The following LAMA2 variants were observed in gnomAD, a reference collection of about 807,000 sequenced individuals.
LAMA2 encodes laminin subunit alpha 2.
In LAMA2, 269 loss-of-function variants were observed where a neutral mutation model predicts 364.8. The observed-to-expected ratio is 0.74, with a 90% CI of 0.67 to 0.82. The LOEUF is 0.82. LAMA2 is among the 40% of genes least tolerant of loss of function. LAMA2 has a pLI of 0.00. For missense variants in LAMA2, 3,807 were observed against 3,873.2 expected (o/e 0.98, Z 0.45); for synonymous variants, 1,379 against 1,370.6 (o/e 1.01, Z -0.14).
intron 12 of LAMA2, among the ~76,000 whole-genome samples, chr6:129,220,267 G>T (rs1418077409): frequency 6.6e-6 from 1 of 152,086 alleles, no homozygotes; most frequent in East Asian, 1.9e-4. Context: ...AAAACATATA[G>T]TGAAATAATA....
chr6:129,233,926 A>G (rs1025529112), intron 12 of LAMA2, among the ~76,000 whole-genome samples: 3 of 152,180 alleles, frequency 2.0e-5, no homozygotes, highest in African/African-American at 7.2e-5. Context: ...AAAGTTAAGA[A>G]GATATTTTTG....
intron 3 of LAMA2, among the ~76,000 whole-genome samples, chr6:129,069,396 A>T (rs1773155430): frequency 6.7e-6 from 1 of 148,268 alleles, no homozygotes; most frequent in Non-Finnish European, 1.5e-5. Context: ...TATATATATT[A>T]TATATAACTA....
At chr6:128,924,224 A>G (rs1306074745) in intron 1 of LAMA2, among the ~76,000 whole-genome samples, 1 of 152,090 alleles carries the variant, frequency 6.6e-6, no homozygotes, top group African/African-American at 2.4e-5. Context: ...ACACACACAC[A>G]TATGTATTTA....
At chr6:129,245,259 C>T (rs1176461677) in intron 12 of LAMA2, among the ~76,000 whole-genome samples, 2 of 152,096 alleles carry the variant, frequency 1.3e-5, no homozygotes, top group Non-Finnish European at 2.9e-5. Flanking sequence ...TAATTTTCAT[C>T]CCTAGTAAAT....
At position 128,883,250 on chromosome 6, in the gene LAMA2, C is replaced by G. The variant is rs1247617026; in HGVS notation, c.5C>G (p.Pro2Arg). 6 of 1,552,728 alleles carry G rather than the reference C, an allele frequency of 3.9e-6. No homozygotes were observed. The Admixed American group carries it at 5.8e-5, about 15-fold the overall frequency. The change falls in exon 1 of 65, where the codon CCG (proline) becomes CGG (arginine). Residue 2 changes from proline (P) to arginine (R), a missense_variant. Transcript: ENST00000421865. Reference protein sequence around the residue: MPGAAGVLLLLL... With the variant: MRGAAGVLLLLL... Reference sequence around the variant, plus strand: ...GATCCGGTCGCGGCCACTACGATGCCGGGAGCCGCCGGGGTCCTCCTCCTT... The same window carrying G: ...GATCCGGTCGCGGCCACTACGATGCGGGGAGCCGCCGGGGTCCTCCTCCTT...
intron 3 of LAMA2, among the ~76,000 whole-genome samples, chr6:129,083,694 A>G (rs550227741): frequency 2.6e-5 from 4 of 152,292 alleles, no homozygotes; most frequent in South Asian, 2.1e-4. Context: ...AAAAGTTTCA[A>G]AGTAGATGTA....
At chr6:128,962,185 T>TATATATACACACACACAC (rs1214826895) in intron 1 of LAMA2, among the ~76,000 whole-genome samples, 3 of 103,918 alleles carry the variant, frequency 2.9e-5, no homozygotes, top group African/African-American at 1.1e-4. Flanking sequence ...TATATATATA[T>TATATATACACACACACAC]ACACACATAC....
intron 32 of LAMA2, among the ~76,000 whole-genome samples, chr6:129,361,613 G>A (rs931024952): frequency 2.0e-5 from 3 of 152,092 alleles, no homozygotes; most frequent in Non-Finnish European, 4.4e-5. Context: ...GGATTGTTCT[G>A]AAGGCAGCAG....
chr6:128,969,857 G>A (rs1304799400), intron 1 of LAMA2, among the ~76,000 whole-genome samples: 1 of 152,196 alleles, frequency 6.6e-6, no homozygotes, highest in African/African-American at 2.4e-5. Flanking sequence ...GTATTTGTAT[G>A]CAAGTGGGCC....
chr6:129,395,467 A>C (rs1014725917), intron 37 of LAMA2, among the ~76,000 whole-genome samples: 4 of 152,178 alleles, frequency 2.6e-5, no homozygotes, highest in African/African-American at 9.7e-5. Flanking sequence ...AACTTGTCAA[A>C]AAGACAAATT....
chr6:129,010,144 A>C (rs1327151676), intron 1 of LAMA2, among the ~76,000 whole-genome samples: 1 of 152,234 alleles, frequency 6.6e-6, no homozygotes, highest in East Asian at 1.9e-4. Flanking sequence ...TAAAAGATTT[A>C]AAAATCTCTT....
At position 129,351,601 on chromosome 6, in the gene LAMA2, A is replaced by C. The variant is rs555598511; in HGVS notation, c.4524-1563A>C. ...TTGTTCCAGTGCTGAGAGCTTCTTA[A>C]ATCATTTAAATCATCTTTCGACCTG... is the stretch of plus-strand genomic sequence containing the variant. On this transcript the variant is annotated intron_variant, in intron 31 of 64. Coordinates refer to ENST00000421865, the MANE Select transcript of LAMA2 (RefSeq NM_000426.4). Among the ~76,000 whole-genome samples the C allele has an allele frequency of 2.6e-5, 4 of 152,256 alleles. No homozygotes were observed. In the South Asian group the frequency reaches 6.2e-4, roughly 24 times the overall value.
intron 1 of LAMA2, among the ~76,000 whole-genome samples, chr6:128,968,739 A>C (rs762699737): frequency 5.5e-4 from 83 of 152,144 alleles, no homozygotes; most frequent in Non-Finnish European, 6.8e-4. Context: ...AGCCAGGATA[A>C]GGGCAGCCAG....
At chr6:128,963,863 T>C (rs747801310) in intron 1 of LAMA2, among the ~76,000 whole-genome samples, 1 of 152,218 alleles carries the variant, frequency 6.6e-6, no homozygotes, top group East Asian at 1.9e-4. Flanking sequence ...CTGAATAGTC[T>C]AAATTATAGT....
At chr6:128,919,812 G>A (rs528487098) in intron 1 of LAMA2, among the ~76,000 whole-genome samples, 4 of 152,212 alleles carry the variant, frequency 2.6e-5, no homozygotes, top group South Asian at 2.1e-4. Flanking sequence ...TCATGTAGCC[G>A]TACATCCCAG....
Position 128,976,332 on chromosome 6 carries a change from T to C in LAMA2, c.113-73586T>C, listed in dbSNP as rs568552692. Reference sequence around the variant, plus strand: ...TTTTCCAGTTCCTGATAGATAGCCATGCTCAAGTGTCCCAGTGGCAGTTGA... The same window carrying C: ...TTTTCCAGTTCCTGATAGATAGCCACGCTCAAGTGTCCCAGTGGCAGTTGA... On this transcript the variant is annotated intron_variant, in intron 1 of 64. Transcript: ENST00000421865. 2.0e-5 allele frequency among the ~76,000 whole-genome samples: 3 copies of C among 152,302 alleles called. No homozygotes were observed. The South Asian group carries it at 6.2e-4, about 32-fold the overall frequency.
chr6:129,440,505 A>G (rs1041611251), intron 42 of LAMA2, among the ~76,000 whole-genome samples: 1 of 152,140 alleles, frequency 6.6e-6, no homozygotes. Flanking sequence ...CATGAAGCTC[A>G]TGTGGATAAA....
chr6:129,460,049 A>G (rs1486171048), intron 48 of LAMA2, 151 bp from the exon 49 acceptor site: 3 of 733,260 alleles, frequency 4.1e-6, no homozygotes, highest in Middle Eastern at 3.8e-4. Flanking sequence ...CGGACAGACT[A>G]TGATGAAAAG....
chr6:129,160,849 T>C (rs60369204), intron 8 of LAMA2, among the ~76,000 whole-genome samples: 4,298 of 152,066 alleles, frequency 0.028, 201 homozygotes, highest in African/African-American at 0.098. Flanking sequence ...TTAAATATTA[T>C]ATTTTTGATT....
Sources: allele counts gnomAD v4.1 joint callset (sites outside exome capture counted in the v4.1 genomes callset), GRCh38; gene constraint gnomAD v4.1.1; transcripts MANE v1.5; gene names NCBI Gene and HGNC (gene_info 2026-07-23, HGNC 2026-07-21).